GRAMD1C: variants seen among roughly 807,000 people sequenced by gnomAD.
GRAMD1C encodes protein Aster-C.
GRAMD1C carries 89 observed loss-of-function variants against 97.8 expected under a neutral mutation model. The ratio of observed to expected loss-of-function variants is 0.91; its 90% CI spans 0.77 to 1.09. The LOEUF (loss-of-function observed/expected upper bound fraction) is 1.09, where lower values mean the gene tolerates loss of function less well. Among genes scored for constraint, GRAMD1C ranks in the 50% least tolerant of loss-of-function variants. The probability of loss-of-function intolerance (pLI) is 0.00; values close to 1 mark genes in which losing one functional copy is unlikely to be tolerated. For missense variants in GRAMD1C, 740 were observed against 766.4 expected (o/e 0.97, Z 0.41); for synonymous variants, 256 against 267.0 (o/e 0.96, Z 0.40).
At chr3:113,945,363 A>C in intron 17 of GRAMD1C, 35 bp from the exon 18 acceptor site, 1 of 1,353,384 alleles carries the variant, frequency 7.4e-7, no homozygotes, top group Non-Finnish European at 1.0e-6. Flanking sequence ...GATTAGAAAA[A>C]TTAATCTGAT....
intron 2 of GRAMD1C, among the ~76,000 whole-genome samples, chr3:113,860,864 G>A (rs1424156181): frequency 1.3e-5 from 2 of 151,720 alleles, no homozygotes; most frequent in Admixed American, 1.3e-4. Context: ...TACTCGGGAC[G>A]CTGAGGCAGG....
At chr3:113,879,957 G>C (rs977039598) in intron 5 of GRAMD1C, among the ~76,000 whole-genome samples, 1 of 152,046 alleles carries the variant, frequency 6.6e-6, no homozygotes, top group Non-Finnish European at 1.5e-5. Context: ...GCCGCCCAAA[G>C]TGTCGGGATT....
intron 3 of GRAMD1C, among the ~76,000 whole-genome samples, chr3:113,871,009 A>T (rs11720591): frequency 8.9e-6 from 1 of 112,208 alleles, no homozygotes; most frequent in Admixed American, 1.1e-4. Context: ...ACACACACAC[A>T]CACACACACA....
intron 1 of GRAMD1C, among the ~76,000 whole-genome samples, chr3:113,830,981 C>T (rs1709550066): frequency 6.6e-6 from 1 of 152,102 alleles, no homozygotes; most frequent in Non-Finnish European, 1.5e-5. Context: ...TGAGACTACT[C>T]CGGAGCATGA....
chr3:113,887,085 G>GTTTTTTGTT lies in GRAMD1C; in HGVS notation c.540+4259_540+4260insGTTTTTTTT, dbSNP rs1935524436. On this transcript the variant is annotated intron_variant, in intron 6 of 17. Coordinates refer to ENST00000358160, the MANE Select transcript of GRAMD1C (RefSeq NM_017577.5). ...ATGAGCCACTGCGCCTGGCCTTTTT[G>GTTTTTTGTT]TTTTTTTTTTGTTTTTTTTTTTTTT... Among the ~76,000 whole-genome samples the GTTTTTTGTT allele has an allele frequency of 1.3e-3, 92 of 71,422 alleles. 1 individual carries two copies. The highest frequency in any genetic ancestry group is 0.016 in the Middle Eastern group (1 of 62). The allele number at this position is 71,422 out of a possible 152,430, so 46.9% of individuals were successfully genotyped here.
chr3:113,862,460 A>T (rs1380182923), intron 2 of GRAMD1C, among the ~76,000 whole-genome samples: 6 of 152,216 alleles, frequency 3.9e-5, no homozygotes. Flanking sequence ...GCTCACTGAC[A>T]GTCAGAGTTT....
intron 11 of GRAMD1C, 123 bp downstream of exon 11, chr3:113,930,955 A>C (rs1937396094): frequency 6.5e-6 from 4 of 613,548 alleles, no homozygotes; most frequent in Non-Finnish European, 1.2e-5. Context: ...AGGGAGGAGA[A>C]ACTGTTACAG....
intron 5 of GRAMD1C, among the ~76,000 whole-genome samples, chr3:113,879,238 T>C (rs1169497938): frequency 6.6e-6 from 1 of 150,942 alleles, no homozygotes; most frequent in African/African-American, 2.4e-5. Context: ...ACAAACCGAC[T>C]CTCTTTATCC....
upstream of GRAMD1C, among the ~76,000 whole-genome samples, chr3:113,836,530 C>CTT (rs33997794): frequency 9.5e-4 from 140 of 147,472 alleles, no homozygotes; most frequent in South Asian, 0.01. Flanking sequence ...CTCCTAAATA[C>CTT]TTTTTTTTTT....
rs1938023955 is a variant in GRAMD1C, at chr3:113,945,460, C to T, written c.1971C>T (p.Gly657=). Residue 657 remains glycine, a synonymous_variant, in exon 18 of 18, where the codon GGC becomes GGT. Coordinates refer to ENST00000358160, the MANE Select transcript of GRAMD1C (RefSeq NM_017577.5). ...ATCTACTAAATAAGAATAAGACTGG[C>T]ATGGCTGTTGAAAGCTAGTGATCTG... The part of the protein sequence containing the change: ...TFDLLNKNKT[G]MAVES The T allele has an allele frequency of 6.3e-7, 1 of 1,588,542 alleles. No homozygotes were observed. The highest frequency in any genetic ancestry group is 8.6e-7 in the Non-Finnish European group (1 of 1,157,550).
intron 17 of GRAMD1C, among the ~76,000 whole-genome samples, chr3:113,941,471 A>C (rs969722816): frequency 4.6e-5 from 7 of 151,406 alleles, no homozygotes; most frequent in Non-Finnish European, 8.8e-5. Flanking sequence ...TTTTCTTTCC[A>C]TCTCTTAGTC....
intron 6 of GRAMD1C, chr3:113,897,878 G>A (rs1936001659): frequency 3.2e-6 from 1 of 308,594 alleles, no homozygotes; most frequent in Non-Finnish European, 4.7e-6. Flanking sequence ...GATTATTTTT[G>A]CTGCTGATTA....
At position 113,885,925 on chromosome 3, in the gene GRAMD1C, G is replaced by A; in HGVS notation, c.540+3093G>A. 1.9e-6 allele frequency: 3 copies of A among 1,612,842 alleles called. No individual in the cohort carries two copies. In the South Asian group the frequency reaches 3.3e-5, roughly 18 times the overall value. ...ATCAAATCCTGGTTCAGTGACCCCA[G>A]CGACACAGCCCTTCTCAACCTGCTC... is the stretch of plus-strand genomic sequence containing the variant. On this transcript the variant is annotated intron_variant, in intron 6 of 17. Transcript: ENST00000358160.
intron 10 of GRAMD1C, chr3:113,919,965 A>T (rs997914523): frequency 9.0e-6 from 6 of 668,754 alleles, no homozygotes; most frequent in African/African-American, 3.6e-5. Flanking sequence ...TTCCAATGAG[A>T]CTGTTTTTAG....
In GRAMD1C at chr3:113,838,849, G is replaced by A. The variant is rs1709688794; in HGVS notation, c.-61G>A. Reference sequence around the variant, plus strand: ...TAACTCGCAGCGCGCGCTGGAGGTGGGCGCGGGGCGGTGCGGTGCGGTGCG... The same window carrying A: ...TAACTCGCAGCGCGCGCTGGAGGTGAGCGCGGGGCGGTGCGGTGCGGTGCG... On this transcript the variant is annotated 5_prime_UTR_variant, in exon 1 of 18. Transcript: ENST00000358160. 1.7e-6 allele frequency: 2 copies of A among 1,193,846 alleles called. No individual in the cohort carries two copies. Among genetic ancestry groups the A allele is most frequent in the Non-Finnish European group, 1.0e-6 (1 of 954,504 alleles). The allele number at this position is 1,193,846 out of a possible 1,614,324, so 74.0% of individuals were successfully genotyped here. A position where few individuals can be genotyped will look rare whatever the true frequency, so the allele number is the denominator to read the frequency against.
chr3:113,912,799 A>T (rs77158440), intron 9 of GRAMD1C, among the ~76,000 whole-genome samples: 3,929 of 152,304 alleles, frequency 0.026, 170 homozygotes, highest in Admixed American at 0.1. Flanking sequence ...TGTTATAGAC[A>T]CTATGATTGT....
upstream of GRAMD1C, among the ~76,000 whole-genome samples, chr3:113,837,707 C>A (rs182977829): frequency 1.3e-5 from 2 of 148,274 alleles, no homozygotes; most frequent in Admixed American, 6.9e-5. Flanking sequence ...GGCAACATGG[C>A]GAAACCCTGT....
intron 2 of GRAMD1C, among the ~76,000 whole-genome samples, chr3:113,849,728 A>G (rs891582425): frequency 6.6e-6 from 1 of 152,086 alleles, no homozygotes; most frequent in African/African-American, 2.4e-5. Context: ...CGATTTCTCA[A>G]TCTTTTCCCC....
chr3:113,885,193 A>G, intron 6 of GRAMD1C: 4 of 685,866 alleles, frequency 5.8e-6, no homozygotes, highest in Non-Finnish European at 9.9e-6. Flanking sequence ...CTCTCCTGCC[A>G]CTTGGGGCCC....
Sources: gnomAD v4.1 joint callset for allele counts (sites outside exome capture counted in the v4.1 genomes callset) on GRCh38, gnomAD v4.1.1 for gene constraint, MANE v1.5 for transcripts, NCBI Gene and HGNC (gene_info 2026-07-23, HGNC 2026-07-21) for gene names.